The following DET1 variants were observed in gnomAD, a reference collection of about 807,000 sequenced individuals.
DET1 encodes the protein DET1 homolog.
In DET1, 22 loss-of-function variants were observed where a neutral mutation model predicts 43.7. The ratio of observed to expected loss-of-function variants is 0.50; its 90% CI spans 0.36 to 0.72. The LOEUF (loss-of-function observed/expected upper bound fraction) is 0.72. Ranked by LOEUF, DET1 falls within the 30% of genes least tolerant of loss-of-function variation. DET1 has a pLI of 0.00. For missense variants in DET1, 713 were observed against 713.3 expected, an observed-to-expected ratio of 1.00 and a Z score of 0.00; for synonymous variants, 315 against 266.2, an observed-to-expected ratio of 1.18 and a Z score of -1.79.
intron 2 of DET1, among the ~76,000 whole-genome samples, chr15:88,530,407 A>C (rs542929050): frequency 6.6e-6 from 1 of 152,200 alleles, no homozygotes; most frequent in Non-Finnish European, 1.5e-5. Flanking sequence ...AGAGGTGACT[A>C]TCTTCCTGTC....
At chr15:88,508,154 A>C (rs959789388), downstream of DET1, among the ~76,000 whole-genome samples, 2 of 152,212 alleles carry the variant, frequency 1.3e-5, no homozygotes, top group Non-Finnish European at 2.9e-5. Flanking sequence ...CAGGGCTCCC[A>C]CTGATTCTAC....
Position 88,533,565 on chromosome 15 carries a change from A to T in DET1, c.-10-1850T>A, listed in dbSNP as rs771209670. 2.6e-5 allele frequency among the ~76,000 whole-genome samples: 4 copies of T among 152,328 alleles called. No homozygotes were observed. In the East Asian group the frequency reaches 7.7e-4, roughly 29 times the overall value. On this transcript the variant is annotated intron_variant, in intron 1 of 4. Coordinates refer to ENST00000268148, the MANE Select transcript of DET1 (RefSeq NM_001144074.3). ...ACTGATGGATGAGTGGATAAACAAA[A>T]TATGGTATATACACACAAAGGAATA...
At chr15:88,507,950 G>A (rs2056159339), downstream of DET1, among the ~76,000 whole-genome samples, 2 of 152,202 alleles carry the variant, frequency 1.3e-5, no homozygotes, top group Non-Finnish European at 2.9e-5. Flanking sequence ...ACAGCTGCTT[G>A]CATTACTACC....
At position 88,530,980 on chromosome 15, in the gene DET1, G is replaced by A; in HGVS notation, c.726C>T (p.Phe242=). ...TGAAAGTGCCTTCAGGAGTCACCTG[G>A]AAGACATGGATGGTCTGTTGTTGCA... The part of the protein sequence containing the change: ...LSVQQQTIHV[F]QVTPEGTFID... Residue 242 remains phenylalanine (F), a synonymous_variant, in exon 2 of 5, where the codon TTC becomes TTT. Transcript: ENST00000268148. 2 of 1,613,952 alleles carry A rather than the reference G, an allele frequency of 1.2e-6. No homozygotes were observed. Among genetic ancestry groups the A allele is most frequent in the Non-Finnish European group, 8.5e-7 (1 of 1,179,880 alleles).
intron 3 of DET1, among the ~76,000 whole-genome samples, chr15:88,522,678 T>A (rs1445881576): frequency 6.6e-6 from 1 of 151,228 alleles, no homozygotes; most frequent in African/African-American, 2.4e-5. Flanking sequence ...ACGGCTAATT[T>A]TTTTTGTATT....
intron 1 of DET1, among the ~76,000 whole-genome samples, chr15:88,532,292 G>A (rs1377049635): frequency 7.3e-6 from 1 of 137,056 alleles, no homozygotes; most frequent in Non-Finnish European, 1.6e-5. Flanking sequence ...AACAGAGTGA[G>A]ACTCTATCTC....
At chr15:88,536,471 C>T in intron 1 of DET1, 1 of 601,632 alleles carries the variant, frequency 1.7e-6, no homozygotes, top group Admixed American at 3.1e-5. Context: ...TAAGAATACA[C>T]TAAACAAAGT....
rs1045189104 is a variant in DET1 at position 88,531,890 on chromosome 15, C to G, written c.-10-175G>C. On this transcript the variant is annotated intron_variant, in intron 1 of 4. Coordinates refer to ENST00000268148, the MANE Select transcript of DET1 (RefSeq NM_001144074.3). The surrounding 1 kb of genome is among the most constrained non-coding windows in gnomAD (Gnocchi z 6.2). ...TACTGAGTAAGTGGTCCTAACATTT[C>G]TAAGTCTAGAAACAGGTCTAAGGGA... 1.6e-6 allele frequency: 1 copy of G among 637,078 alleles called. No homozygotes were observed. The highest frequency in any genetic ancestry group is 1.8e-5 in the African/African-American group (1 of 54,662). 39.5% of individuals were successfully genotyped at this position (637,078 alleles called of 1,614,324 possible). A position where few individuals can be genotyped will look rare whatever the true frequency, so the allele number is the denominator to read the frequency against.
Position 88,513,053 on chromosome 15 carries a change from A to G in DET1, c.1551T>C (p.Leu517=). The change falls in exon 5 of 5, where the codon CTT becomes CTC. Residue 517 remains leucine, a synonymous_variant. Coordinates refer to ENST00000268148, the MANE Select transcript of DET1 (RefSeq NM_001144074.3). ...CAAAAGGGTGAAAGGTGAAGGCAAC[A>G]AGGCGTCGCACTGTGTGGTTGATGG... ...GRPINHTVRR[L]VAFTFHPFEP... 2 of 1,614,092 alleles carry G rather than the reference A, an allele frequency of 1.2e-6. No individual in the cohort carries two copies. Among genetic ancestry groups the G allele is most frequent in the Non-Finnish European group, 1.7e-6 (2 of 1,179,904 alleles).
chr15:88,537,499 C>A (rs1015118318), intron 1 of DET1, among the ~76,000 whole-genome samples: 2 of 152,156 alleles, frequency 1.3e-5, no homozygotes, highest in African/African-American at 4.8e-5. Context: ...CCACACCTGA[C>A]CCCTACCTCC....
chr15:88,533,852 T>TAAAAAAAAA lies in DET1; in HGVS notation c.-10-2146_-10-2138dup, dbSNP rs368408722. On this transcript the variant is annotated intron_variant, in intron 1 of 4. Transcript: ENST00000268148. ...GGGCAACAGAGCAAGACCCAATCTCTAAAAAAAAAAAAAAAAAAAAAAAAT... is the reference window on the plus strand; with the variant it reads ...GGGCAACAGAGCAAGACCCAATCTCTAAAAAAAAAAAAAAAAAAAAAAAAAAAAAAAAAT... Among the ~76,000 whole-genome samples the TAAAAAAAAA allele has an allele frequency of 5.1e-3, 199 of 39,168 alleles. 1 individual carries two copies. The highest frequency in any genetic ancestry group is 8.2e-3 in the South Asian group (3 of 368). 25.7% of individuals were successfully genotyped at this position (39,168 alleles called of 152,430 possible).
chr15:88,537,653 C>T (rs764999596), intron 1 of DET1, among the ~76,000 whole-genome samples: 3 of 152,190 alleles, frequency 2.0e-5, no homozygotes, highest in Non-Finnish European at 2.9e-5. Flanking sequence ...GATGTCCCAC[C>T]GACCAGTACG....
chr15:88,525,567 G>A (rs1242149024), intron 3 of DET1, among the ~76,000 whole-genome samples: 1 of 152,278 alleles, frequency 6.6e-6, no homozygotes, highest in African/African-American at 2.4e-5. Flanking sequence ...TTGTGGATAT[G>A]GCAGTAGACA....
Position 88,531,786 on chromosome 15 carries a change from G to A in DET1, c.-10-71C>T, listed in dbSNP as rs2056822886. 7.8e-6 allele frequency: 11 copies of A among 1,402,860 alleles called. No individual in the cohort carries two copies. The highest frequency in any genetic ancestry group is 1.4e-5 in the African/African-American group (1 of 68,998). 86.9% of individuals were successfully genotyped at this position (1,402,860 alleles called of 1,614,324 possible). ...TACCAAAATATAAATATATACAAGTGAAACAGATTTCTCTTCTTATATCCT... is the reference window on the plus strand; with the variant it reads ...TACCAAAATATAAATATATACAAGTAAAACAGATTTCTCTTCTTATATCCT... On this transcript the variant is annotated intron_variant, in intron 1 of 4. Coordinates refer to ENST00000268148, the MANE Select transcript of DET1 (RefSeq NM_001144074.3). The surrounding 1 kb of genome is among the most constrained non-coding windows in gnomAD (Gnocchi z 6.2).
Position 88,533,943 on chromosome 15 carries a change from G to C in DET1, c.-10-2228C>G, listed in dbSNP as rs78770020. Among the ~76,000 whole-genome samples, 393 of 149,212 alleles carry C rather than the reference G, an allele frequency of 2.6e-3. 4 individuals carry two copies. The highest frequency in any genetic ancestry group is 8.4e-3 in the African/African-American group (341 of 40,460). The stretch of plus-strand genomic sequence containing the variant: ...AAATTCACAGAAACAAAGAAGAATG[G>C]TGGTCACCAGGGACTAGCAGGAGGG... On this transcript the variant is annotated intron_variant, in intron 1 of 4. Coordinates refer to ENST00000268148, the MANE Select transcript of DET1 (RefSeq NM_001144074.3).
chr15:88,524,207 C>T (rs1279254728), intron 3 of DET1, among the ~76,000 whole-genome samples: 13 of 151,980 alleles, frequency 8.6e-5, no homozygotes. Context: ...GCCCCACCGC[C>T]AGCCCGTCTG....
At chr15:88,539,120 T>G (rs572010054) in intron 1 of DET1, among the ~76,000 whole-genome samples, 5 of 151,854 alleles carry the variant, frequency 3.3e-5, no homozygotes, top group Non-Finnish European at 7.4e-5. Context: ...TCTCTCTTTC[T>G]CTTATTCAAG....
At position 88,516,874 on chromosome 15, in the gene DET1, A is replaced by C. The variant is rs1390512789; in HGVS notation, c.1371T>G (p.Gly457=). The C allele has an allele frequency of 1.9e-6, 3 of 1,611,676 alleles. No individual in the cohort carries two copies. Among genetic ancestry groups the C allele is most frequent in the Non-Finnish European group, 2.5e-6 (3 of 1,178,948 alleles). The change falls in exon 4 of 5, where the codon GGT becomes GGG. Residue 457 remains glycine (G), a synonymous_variant. Transcript: ENST00000268148. This position sits in a 1 kb window ranked among gnomAD's most constrained non-coding sequence, Gnocchi z 4.4. ...AGAGAGACAAATCCAGATAGGGGCT[A>C]CCGCTGTAAGACTGAGCACTGATGG... ...QLPISAQSYS[G]SPYLDLSLFS...
intron 3 of DET1, among the ~76,000 whole-genome samples, chr15:88,521,835 A>G (rs1232105369): frequency 6.6e-6 from 1 of 151,690 alleles, no homozygotes; most frequent in African/African-American, 2.4e-5. Flanking sequence ...TTTATCACCA[A>G]TGTTCCAAAA....
Sources: gnomAD v4.1 joint callset for allele counts (sites outside exome capture counted in the v4.1 genomes callset) on GRCh38, gnomAD v4.1.1 for gene constraint, Gnocchi (gnomAD v3.1) non-coding constraint, MANE v1.5 for transcripts, NCBI Gene and HGNC (gene_info 2026-07-23, HGNC 2026-07-21) for gene names.